COL5A3: variants seen among roughly 807,000 people sequenced by gnomAD.
COL5A3 encodes collagen type V alpha 3 chain, also known as collagen alpha-3(V) chain.
In COL5A3, 172 loss-of-function variants were observed where a neutral mutation model predicts 250.0. The observed-to-expected ratio is 0.69, with a 90% CI of 0.61 to 0.78. The LOEUF (loss-of-function observed/expected upper bound fraction) is 0.78. Ranked by LOEUF, COL5A3 falls within the 30% of genes least tolerant of loss-of-function variation. COL5A3 has a pLI of 0.00. For missense variants in COL5A3, 2,340 were observed against 2,334.4 expected (o/e 1.00, Z -0.05); for synonymous variants, 937 against 900.4 (o/e 1.04, Z -0.73).
In COL5A3 at chr19:9,979,384, C is replaced by T. The variant is rs376428115; in HGVS notation, c.2746G>A (p.Ala916Thr). ...FQGQTGPPGP[A>T]GVLGPQGKTG... ...CTGACCTGAGGGCCTAAGACACCAGCTGGTCCAGGCGGGCCTGTCTGACCT... is the reference window on the plus strand; with the variant it reads ...CTGACCTGAGGGCCTAAGACACCAGTTGGTCCAGGCGGGCCTGTCTGACCT... Residue 916 changes from alanine (A) to threonine (T), a missense_variant, in exon 38 of 67, where the codon GCT becomes ACT. Ala to Thr is a moderately conservative substitution (Grantham distance 58). Transcript: ENST00000264828. The T allele has an allele frequency of 6.2e-6, 10 of 1,613,998 alleles. No individual in the cohort carries two copies. In the African/African-American group the frequency reaches 1.3e-4, roughly 22 times the overall value.
At chr19:9,965,420 T>C (rs1451577958) in intron 64 of COL5A3, among the ~76,000 whole-genome samples, 1 of 151,448 alleles carries the variant, frequency 6.6e-6, no homozygotes, top group Non-Finnish European at 1.5e-5. Context: ...CCTCCCAAAG[T>C]GCTGGGATTA....
In COL5A3 at chr19:9,967,917, G is replaced by C; in HGVS notation, c.4391C>G (p.Ser1464Ter). 1 of 1,613,302 alleles carries C rather than the reference G, an allele frequency of 6.2e-7. No individual in the cohort carries two copies. Among genetic ancestry groups the C allele is most frequent in the Non-Finnish European group, 8.5e-7 (1 of 1,179,732 alleles). The change falls in exon 61 of 67, where the codon TCA becomes TGA. Residue 1464 changes from serine (S) to a stop codon, truncating the protein, a stop_gained. Coordinates refer to ENST00000264828, the MANE Select transcript of COL5A3 (RefSeq NM_015719.4). LOFTEE classifies it high-confidence loss of function. ...GGGTGTACTCACCGGAGACCCTTTT[G>C]AGCCTTTCTGTCCTAGAGGGCCCTG... The part of the protein sequence containing the change: ...GVAGPLGQKG[S>*]KGSPGSMGPR...
chr19:9,968,405 G>C lies in COL5A3; in HGVS notation c.4294C>G (p.Pro1432Ala). The C allele has an allele frequency of 1.9e-6, 3 of 1,592,042 alleles. No homozygotes were observed. The highest frequency in any genetic ancestry group is 1.7e-6 in the Non-Finnish European group (2 of 1,174,468). ...CTCACAGGGTCTCCCTTGGGACCAG[G>C]GGGTCCCTGCACGCCTGGCAACCCC... ...DQGLPGVQGP[P>A]GPKGDPGPPG... The change falls in exon 59 of 67, where the codon CCT becomes GCT. Residue 1432 changes from proline (P) to alanine (A), a missense_variant. By Grantham distance (27) the Pro-to-Ala change is conservative (BLOSUM62 -1). This residue lies in a region of COL5A3 where 1,179 missense variants were observed against 1,162.6 expected (regional missense o/e 1.01). Transcript: ENST00000264828. This position sits in a 1 kb window ranked among gnomAD's most constrained non-coding sequence, Gnocchi z 4.1.
chr19:9,995,549 C>T lies in COL5A3; in HGVS notation c.1587+15G>A, dbSNP rs1474635074. 6.2e-7 allele frequency: 1 copy of T among 1,605,600 alleles called. No homozygotes were observed. Among genetic ancestry groups the T allele is most frequent in the Admixed American group, 1.7e-5 (1 of 58,912 alleles). ...GATGGATAAGGGGTGGTCTGGGGAC[C>T]TAGCTGTCACTCACCATCTTGCCCA... On this transcript the variant is annotated intron_variant, in intron 16 of 66. Coordinates refer to ENST00000264828, the MANE Select transcript of COL5A3 (RefSeq NM_015719.4).
At chr19:9,970,515 T>C (rs1599534174) in intron 54 of COL5A3, 107 bp downstream of exon 54, 2 of 416,460 alleles carry the variant, frequency 4.8e-6, no homozygotes, top group Non-Finnish European at 7.2e-6. Flanking sequence ...GGTCTGTGGG[T>C]GTGTGGGGTC....
intron 4 of COL5A3, among the ~76,000 whole-genome samples, chr19:10,004,970 T>C (rs2087420555): frequency 6.6e-6 from 1 of 151,388 alleles, no homozygotes; most frequent in Admixed American, 6.6e-5. Context: ...CTTGTGGCTC[T>C]GCAATCTCAC....
chr19:9,996,483 G>A lies in COL5A3; in HGVS notation c.1372C>T (p.Pro458Ser). ...QFAGGSFKGP[P>S]VSFQQAQAQA... ...GCCTGGGCCTGCTGGAATGAGACTG[G>A]GGGGCCTTTAAAGGAGCCGCCTGCA... The change falls in exon 13 of 67, where the codon CCA becomes TCA. Residue 458 changes from proline (P) to serine (S), a missense_variant. Coordinates refer to ENST00000264828, the MANE Select transcript of COL5A3 (RefSeq NM_015719.4). 1.2e-6 allele frequency: 2 copies of A among 1,614,104 alleles called. No homozygotes were observed. The highest frequency in any genetic ancestry group is 1.7e-6 in the Non-Finnish European group (2 of 1,179,992).
At chr19:9,969,264 G>T in intron 57 of COL5A3, 85 bp downstream of exon 57, 1 of 1,215,480 alleles carries the variant, frequency 8.2e-7, no homozygotes, top group Non-Finnish European at 1.2e-6. Context: ...GTGAGGGCTA[G>T]CCTGCACCAA....
At position 9,996,421 on chromosome 19, in the gene COL5A3, C is replaced by T. The variant is rs752955976; in HGVS notation, c.1422+12G>A. On this transcript the variant is annotated intron_variant, in intron 13 of 66. Coordinates refer to ENST00000264828, the MANE Select transcript of COL5A3 (RefSeq NM_015719.4). ...TGGGGTTCCTCCCACTATGTCCACA[C>T]CTCCCACTCACCTGAGTCTGCTGCA... 31 of 1,613,422 alleles carry T rather than the reference C, an allele frequency of 1.9e-5. No individual in the cohort carries two copies. Among genetic ancestry groups the T allele is most frequent in the Admixed American group, 6.7e-5 (4 of 59,910 alleles).
Position 10,006,175 on chromosome 19 carries a change from C to T in COL5A3, c.145G>A (p.Glu49Lys), listed in dbSNP as rs1475159912. Reference protein sequence around the residue: ...GVQGGQAGVPEGPGFCPQRTP... With the variant: ...GVQGGQAGVPKGPGFCPQRTP... ...CTCTGGGGACAGAAGCCAGGCCCCT[C>T]GGGGACCCCAGCCTGGCCTCCCTGC... Residue 49 changes from glutamate to lysine, a missense_variant, in exon 2 of 67, where the codon GAG becomes AAG. This residue lies in a region of COL5A3 where 1,152 missense variants were observed against 1,146.3 expected (regional missense o/e 1.00). Transcript: ENST00000264828. The T allele has an allele frequency of 6.2e-6, 10 of 1,608,680 alleles. No individual in the cohort carries two copies. The South Asian group carries it at 7.8e-5, about 12-fold the overall frequency.
intron 15 of COL5A3, 101 bp from the exon 16 acceptor site, chr19:9,995,718 C>A: frequency 1.1e-6 from 1 of 895,044 alleles, no homozygotes; most frequent in South Asian, 1.9e-5. Flanking sequence ...TGCTGTATTG[C>A]CCAGGCCAGA....
In COL5A3 at chr19:9,977,455, AGG is replaced by A; in HGVS notation, c.3142_3143del (p.Pro1048TrpfsTer42). 1 of 1,520,100 alleles carries A rather than the reference AGG, an allele frequency of 6.6e-7. No homozygotes were observed. Among genetic ancestry groups the A allele is most frequent in the South Asian group, 1.3e-5 (1 of 75,418 alleles). 94.2% of individuals were successfully genotyped at this position (1,520,100 alleles called of 1,614,324 possible). ...KKGSRGERGP[P>X]GPTGKDGIPG... ...GGATCCCATCTTTGCCAGTGGGGCC[AGG>A]GGGGCCACGTTCTCCCTGTTGTGGG... is the stretch of plus-strand genomic sequence containing the variant. On this transcript the variant is annotated frameshift_variant, in exon 43 of 67. Coordinates refer to ENST00000264828, the MANE Select transcript of COL5A3 (RefSeq NM_015719.4). LOFTEE classifies it high-confidence loss of function.
In COL5A3 at chr19:9,998,656, C is replaced by T. The variant is rs1286237216; in HGVS notation, c.1111-507G>A. ...TGGAACACCTAGGCTTTTCCTTTCT[C>T]CCTTTCTTTCTTTCCTTCTTCTTTT... On this transcript the variant is annotated intron_variant, in intron 8 of 66. Coordinates refer to ENST00000264828, the MANE Select transcript of COL5A3 (RefSeq NM_015719.4). Among the ~76,000 whole-genome samples the T allele has an allele frequency of 2.0e-5, 3 of 151,754 alleles. No homozygotes were observed. In the East Asian group the frequency reaches 5.8e-4, roughly 29 times the overall value.
Position 9,996,264 on chromosome 19 carries a change from T to TGGAAAGACAGAG in COL5A3, c.1423-14_1423-3dup. ...ACCAGGGGGGCCTTTCATAGAGAGCTGGAAAGACAGAGGAGTCAGAGCTTG... is the reference window on the plus strand; with the variant it reads ...ACCAGGGGGGCCTTTCATAGAGAGCTGGAAAGACAGAGGGAAAGACAGAGGAGTCAGAGCTTG... On this transcript the variant is annotated splice_region_variant and splice_polypyrimidine_tract_variant and intron_variant, in intron 13 of 66. Coordinates refer to ENST00000264828, the MANE Select transcript of COL5A3 (RefSeq NM_015719.4). 1 of 1,566,642 alleles carries TGGAAAGACAGAG rather than the reference T, an allele frequency of 6.4e-7. No individual in the cohort carries two copies. Among genetic ancestry groups the TGGAAAGACAGAG allele is most frequent in the Non-Finnish European group, 8.6e-7 (1 of 1,159,062 alleles).
chr19:9,986,635 GAGGGCCTCGGGGAAGGGACACAACC>G (rs1231679971), intron 28 of COL5A3, 29 bp from the exon 29 acceptor site: 1 of 1,613,748 alleles, frequency 6.2e-7, no homozygotes, highest in South Asian at 1.1e-5. Context: ...GGCCAGAAGT[GAGGGCCTCGGGGAAGGGACACAACC>G]AGGACCCCAT....
At chr19:9,995,678 T>C (rs2145127309) in intron 15 of COL5A3, 61 bp from the exon 16 acceptor site, 2 of 1,330,444 alleles carry the variant, frequency 1.5e-6, no homozygotes, top group Non-Finnish European at 2.1e-6. Flanking sequence ...ACTTATTCTA[T>C]TGTATTAAAA....
chr19:9,985,721 C>T, intron 31 of COL5A3, 121 bp downstream of exon 31: 3 of 880,638 alleles, frequency 3.4e-6, no homozygotes, highest in Non-Finnish European at 5.4e-6. Context: ...CCACATTTTA[C>T]ATTCTCTCAG....
chr19:10,001,290 C>T (rs553940352), intron 8 of COL5A3, among the ~76,000 whole-genome samples: 2 of 151,738 alleles, frequency 1.3e-5, no homozygotes, highest in Non-Finnish European at 2.9e-5. Context: ...GGATCACAGG[C>T]GCGCGCCACC....
At chr19:9,980,182 C>A in intron 35 of COL5A3, 135 bp from the exon 36 acceptor site, 1 of 841,244 alleles carries the variant, frequency 1.2e-6, no homozygotes, top group South Asian at 1.6e-5. Flanking sequence ...GCATTCTCCA[C>A]AAGTCAGTCA....
Sources: allele counts gnomAD v4.1 joint callset (sites outside exome capture counted in the v4.1 genomes callset), GRCh38; gene constraint gnomAD v4.1.1; regional missense constraint gnomAD v4.1.1; non-coding constraint Gnocchi (gnomAD v3.1); transcripts MANE v1.5; gene names NCBI Gene and HGNC (gene_info 2026-07-23, HGNC 2026-07-21).